COL4A3: variants seen among roughly 807,000 people sequenced by gnomAD.
COL4A3 encodes the protein collagen type IV alpha 3 chain, also known as collagen alpha-3(IV) chain.
In COL4A3, 135 loss-of-function variants were observed where a neutral mutation model predicts 217.4. That is an observed-to-expected ratio of 0.62 (90% CI 0.54 to 0.72). The LOEUF is 0.72. Among genes scored for constraint, COL4A3 ranks in the 30% least tolerant of loss-of-function variants. COL4A3 has a pLI of 0.00. For missense variants in COL4A3, 1,868 were observed against 2,119.9 expected, an observed-to-expected ratio of 0.88 and a Z score of 2.33; for synonymous variants, 690 against 736.3, an observed-to-expected ratio of 0.94 and a Z score of 1.02.
At chr2:227,216,467 C>T (rs190801785) in intron 1 of COL4A3, among the ~76,000 whole-genome samples, 17 of 152,146 alleles carry the variant, frequency 1.1e-4, no homozygotes, top group Non-Finnish European at 2.2e-4. Context: ...GTAATTCAAT[C>T]GAGCTTTAGT....
At position 227,291,010 on chromosome 2, in the gene COL4A3, T is replaced by G. The variant is rs370802163; in HGVS notation, c.3210+124T>G. The G allele has an allele frequency of 2.5e-4, 299 of 1,186,716 alleles. No individual in the cohort carries two copies. In the African/African-American group the frequency reaches 3.4e-3, roughly 14 times the overall value. 73.5% of individuals were successfully genotyped at this position (1,186,716 alleles called of 1,614,324 possible). Reference sequence around the variant, plus strand: ...AACTGTTACTATACTTTCAGACAGTTATTTGGATTTTTAAAATCCTATCTC... The same window carrying G: ...AACTGTTACTATACTTTCAGACAGTGATTTGGATTTTTAAAATCCTATCTC... On this transcript the variant is annotated intron_variant, in intron 37 of 51. Transcript: ENST00000396578.
chr2:227,300,748 G>C (rs1199489819), intron 43 of COL4A3, among the ~76,000 whole-genome samples: 2 of 152,136 alleles, frequency 1.3e-5, no homozygotes, highest in East Asian at 3.9e-4. Flanking sequence ...AGAATGCAGG[G>C]GGCTGTGGGG....
chr2:227,196,502 A>G (rs1041189366), intron 1 of COL4A3, among the ~76,000 whole-genome samples: 5 of 151,556 alleles, frequency 3.3e-5, no homozygotes, highest in African/African-American at 9.7e-5. Flanking sequence ...TATTTTTAGT[A>G]GAGACAGGGT....
At chr2:227,307,341 G>T (rs900543272) in intron 47 of COL4A3, among the ~76,000 whole-genome samples, 2 of 152,190 alleles carry the variant, frequency 1.3e-5, no homozygotes, top group African/African-American at 4.8e-5. Context: ...AATAGACTAA[G>T]TTGTAGATAT....
In COL4A3 at chr2:227,202,813, A is replaced by T. The variant is rs543707182; in HGVS notation, c.88-35155A>T. Among the ~76,000 whole-genome samples the T allele has an allele frequency of 3.3e-5, 4 of 121,964 alleles. No individual in the cohort carries two copies. In the South Asian group the frequency reaches 1.0e-3, roughly 31 times the overall value. The allele number at this position is 121,964 out of a possible 152,430, so 80.0% of individuals were successfully genotyped here. On this transcript the variant is annotated intron_variant, in intron 1 of 51. Coordinates refer to ENST00000396578, the MANE Select transcript of COL4A3 (RefSeq NM_000091.5). ...ATGTGTATATATATAATATGTGTAT[A>T]TATACATATATGTGTATCTATGTGT...
rs555350598 is a variant in COL4A3, at chr2:227,247,160, A to G, written c.442-398A>G. 2.0e-4 allele frequency among the ~76,000 whole-genome samples: 31 copies of G among 152,320 alleles called. No individual in the cohort carries two copies. In the South Asian group the frequency reaches 6.4e-3, roughly 32 times the overall value. On this transcript the variant is annotated intron_variant, in intron 7 of 51. Coordinates refer to ENST00000396578, the MANE Select transcript of COL4A3 (RefSeq NM_000091.5). The stretch of plus-strand genomic sequence containing the variant: ...CAGAGGTGTATTATGGAGGCCCAGG[A>G]AACACCTATTGTAGTAGAAGGGAGT...
Position 227,253,583 on chromosome 2 carries a change from C to T in COL4A3, c.710C>T (p.Pro237Leu). The T allele has an allele frequency of 6.2e-7, 1 of 1,613,972 alleles. No homozygotes were observed. The highest frequency in any genetic ancestry group is 8.5e-7 in the Non-Finnish European group (1 of 1,179,904). ...TAGGGTGTGAAAGGGTTAACAGGACCCCCGGGACCACCAGGAACAGTTATT... is the reference window on the plus strand; with the variant it reads ...TAGGGTGTGAAAGGGTTAACAGGACTCCCGGGACCACCAGGAACAGTTATT... ...GERGVKGLTG[P>L]PGPPGTVIVT... is the part of the protein sequence containing the mutation. The change falls in exon 13 of 52, where the codon CCC becomes CTC. Residue 237 changes from proline (P) to leucine (L), a missense_variant. Transcript: ENST00000396578. This position sits in a 1 kb window ranked among gnomAD's most constrained non-coding sequence, Gnocchi z 4.4.
At chr2:227,165,034 C>G (rs1376950409) in intron 1 of COL4A3, among the ~76,000 whole-genome samples, 2 of 152,070 alleles carry the variant, frequency 1.3e-5, no homozygotes, top group African/African-American at 2.4e-5. Flanking sequence ...GGGGAAGAGG[C>G]GAGGAGGGGG....
intron 1 of COL4A3, among the ~76,000 whole-genome samples, chr2:227,189,021 G>T (rs1441611625): frequency 6.6e-6 from 1 of 152,148 alleles, no homozygotes; most frequent in African/African-American, 2.4e-5. Context: ...CTGAAATCTA[G>T]CCAGGAAGGA....
At position 227,312,926 on chromosome 2, in the gene COL4A3, T is replaced by TAA. The variant is rs11297279; in HGVS notation, c.*1069_*1070dup. ...TGTTACTTCTCTAATTCTTCCTTTG[T>TAA]AAAAAAAAAAAAAAGCAACACTTTT... On this transcript the variant is annotated 3_prime_UTR_variant, in exon 52 of 52. Coordinates refer to ENST00000396578, the MANE Select transcript of COL4A3 (RefSeq NM_000091.5). 0.057 allele frequency: 8,239 copies of TAA among 145,360 alleles called. 295 individuals are homozygous for TAA. Among genetic ancestry groups the TAA allele is most frequent in the African/African-American group, 0.099 (3,890 of 39,310 alleles). The allele number at this position is 145,360 out of a possible 1,614,324, so 9.0% of individuals were successfully genotyped here.
At chr2:227,301,301 T>C (rs2073278729) in intron 43 of COL4A3, among the ~76,000 whole-genome samples, 2 of 152,150 alleles carry the variant, frequency 1.3e-5, no homozygotes, top group Non-Finnish European at 1.5e-5. Context: ...ACCATGTAAA[T>C]TGTCAGTGTA....
intron 1 of COL4A3, among the ~76,000 whole-genome samples, chr2:227,225,764 T>G (rs1290659700): frequency 6.9e-6 from 1 of 145,882 alleles, no homozygotes; most frequent in Non-Finnish European, 1.5e-5. Context: ...CAGACTGGAG[T>G]GTAGTGATGT....
chr2:227,308,258 G>T (rs531654124), intron 48 of COL4A3, among the ~76,000 whole-genome samples: 3 of 152,058 alleles, frequency 2.0e-5, no homozygotes, highest in South Asian at 4.2e-4. Flanking sequence ...CATCACCCAG[G>T]CTGGAGTGCA....
chr2:227,176,014 A>G (rs2065662405), intron 1 of COL4A3, among the ~76,000 whole-genome samples: 1 of 152,160 alleles, frequency 6.6e-6, no homozygotes, highest in South Asian at 2.1e-4. Context: ...TTGCCAAGCT[A>G]GGCCCAAGAG....
chr2:227,185,194 C>A (rs373011729), intron 1 of COL4A3, among the ~76,000 whole-genome samples: 1 of 152,080 alleles, frequency 6.6e-6, no homozygotes, highest in African/African-American at 2.4e-5. Context: ...GCCACAGCGC[C>A]CGGCCCTCAC....
chr2:227,229,774 C>T lies in COL4A3; in HGVS notation c.88-8194C>T, dbSNP rs554476335. Among the ~76,000 whole-genome samples the T allele has an allele frequency of 3.9e-5, 6 of 152,228 alleles. No homozygotes were observed. The South Asian group carries it at 1.0e-3, about 26-fold the overall frequency. On this transcript the variant is annotated intron_variant, in intron 1 of 51. Transcript: ENST00000396578. ...AGGATTAAGAAATTTCCCGGCCGGG[C>T]GCGGTGGCTCACGCCTGTAATCCCA... is the stretch of plus-strand genomic sequence containing the variant.
chr2:227,289,117 ATT>A, intron 34 of COL4A3, 31 bp from the exon 35 acceptor site: 2 of 1,580,042 alleles, frequency 1.3e-6, no homozygotes, highest in Non-Finnish European at 1.7e-6. Context: ...CACCTGGCTA[ATT>A]TTCTTGTTAA....
In COL4A3 at chr2:227,280,530, C is replaced by G; in HGVS notation, c.2314C>G (p.Leu772Val). Reference protein sequence around the residue: ...GNSGEHGEIGLPGLPGLPGTP... With the variant: ...GNSGEHGEIGVPGLPGLPGTP... ...TTCTGGGGAACATGGAGAAATTGGA[C>G]TCCCTGGACTTCCAGGTCTCCCTGG... Residue 772 changes from leucine to valine, a missense_variant, in exon 30 of 52, where the codon CTC becomes GTC. Coordinates refer to ENST00000396578, the MANE Select transcript of COL4A3 (RefSeq NM_000091.5). 1 of 1,614,098 alleles carries G rather than the reference C, an allele frequency of 6.2e-7. No homozygotes were observed. Among genetic ancestry groups the G allele is most frequent in the Non-Finnish European group, 8.5e-7 (1 of 1,179,948 alleles).
In COL4A3 at chr2:227,295,307, G is replaced by C. The variant is rs1305836268; in HGVS notation, c.3556G>C (p.Gly1186Arg). The C allele has an allele frequency of 6.2e-7, 1 of 1,614,066 alleles. No individual in the cohort carries two copies. The change falls in exon 41 of 52, where the codon GGT (glycine) becomes CGT (arginine). Residue 1186 changes from glycine to arginine, a missense_variant. Around this residue, in one of 2 missense-constraint regions of COL4A3, gnomAD observed 1,503 missense variants for 1,786.1 expected, o/e 0.84. Coordinates refer to ENST00000396578, the MANE Select transcript of COL4A3 (RefSeq NM_000091.5). ...CCCTCCAGGCCCAAGAGGGAACCCT[G>C]GTGCTCAAGGTAAGCAGTTCTTCTT... ...RAPPGPRGNP[G>R]AQGAKGDRGA... is the part of the protein sequence containing the mutation.
Sources: allele counts gnomAD v4.1 joint callset (sites outside exome capture counted in the v4.1 genomes callset), GRCh38; gene constraint gnomAD v4.1.1; regional missense constraint gnomAD v4.1.1; non-coding constraint Gnocchi (gnomAD v3.1); transcripts MANE v1.5; gene names NCBI Gene and HGNC (gene_info 2026-07-23, HGNC 2026-07-21).